The following UBE4A variants were observed in gnomAD, a reference collection of about 807,000 sequenced individuals.
The protein encoded by UBE4A is ubiquitin conjugation factor E4 A.
UBE4A carries 48 observed loss-of-function variants against 117.9 expected under a neutral mutation model. The observed-to-expected ratio is 0.41, with a 90% confidence interval of 0.32 to 0.52. UBE4A has a LOEUF of 0.52. UBE4A is among the 20% of genes least tolerant of loss of function. The pLI, the probability that UBE4A is intolerant of heterozygous loss-of-function variation, is 0.33. For missense variants in UBE4A, 1,067 were observed against 1,296.3 expected, an observed-to-expected ratio of 0.82 and a Z score of 2.72; for synonymous variants, 407 against 450.0, an observed-to-expected ratio of 0.90 and a Z score of 1.21.
At chr11:118,360,787 TTATAGA>T (rs761132529) in intron 1 of UBE4A, among the ~76,000 whole-genome samples, 6 of 152,152 alleles carry the variant, frequency 3.9e-5, no homozygotes, top group South Asian at 2.1e-4. Context: ...AGGACAGCTA[TTATAGA>T]TATAGATCTT....
rs140789686 is a variant in UBE4A, at chr11:118,368,668, C to T, written c.159C>T (p.Ser53=). The change falls in exon 3 of 20, where the codon AGC becomes AGT. Residue 53 remains serine, a synonymous_variant. Coordinates refer to ENST00000252108, the MANE Select transcript of UBE4A (RefSeq NM_001204077.2). ...CTAGCCCAGATGACTCGGATAATAG[C>T]GTGTCAGAGAGCCTGGATGAATTCG... ...LPASPDDSDN[S]VSESLDEFDY... is the part of the protein sequence containing the mutation. The T allele has an allele frequency of 1.7e-5, 28 of 1,614,152 alleles. No homozygotes were observed. In the African/African-American group the frequency reaches 2.1e-4, roughly 12 times the overall value.
At chr11:118,371,389 T>C (rs1303851633) in intron 4 of UBE4A, 125 bp from the exon 5 acceptor site, 5 of 1,221,832 alleles carry the variant, frequency 4.1e-6, no homozygotes, top group African/African-American at 1.5e-5. Flanking sequence ...CCTTTTTTTC[T>C]CCTTCACTCT....
chr11:118,373,490 A>G lies in UBE4A; in HGVS notation c.925-4A>G, dbSNP rs369074050. ...GAATAAGCAGAACTTGTCTTCTCTT[A>G]CAGGTTTTTGTAGAATACATTCAGC... On this transcript the variant is annotated splice_polypyrimidine_tract_variant and splice_region_variant and intron_variant, in intron 7 of 19. Coordinates refer to ENST00000252108, the MANE Select transcript of UBE4A (RefSeq NM_001204077.2). 1.7e-5 allele frequency: 28 copies of G among 1,608,968 alleles called. No individual in the cohort carries two copies. The highest frequency in any genetic ancestry group is 2.3e-5 in the Non-Finnish European group (27 of 1,177,598).
intron 1 of UBE4A, among the ~76,000 whole-genome samples, chr11:118,364,307 C>G (rs1380822507): frequency 2.6e-5 from 4 of 152,018 alleles, no homozygotes; most frequent in Admixed American, 6.5e-5. Context: ...ACACAGTAGA[C>G]CTGACCGTTG....
At chr11:118,380,919 C>T (rs189939698) in intron 11 of UBE4A, among the ~76,000 whole-genome samples, 5 of 152,306 alleles carry the variant, frequency 3.3e-5, no homozygotes, top group Admixed American at 1.3e-4. Flanking sequence ...TTGGAAATGA[C>T]ATACTATCAC....
At chr11:118,386,121 T>C (rs1240802235) in intron 15 of UBE4A, among the ~76,000 whole-genome samples, 1 of 152,222 alleles carries the variant, frequency 6.6e-6, no homozygotes, top group Non-Finnish European at 1.5e-5. Flanking sequence ...GGTTTTTTAG[T>C]TTTTTGTTTC....
chr11:118,391,522 C>T lies in UBE4A; in HGVS notation c.2916+718C>T, dbSNP rs191257848. On this transcript the variant is annotated intron_variant, in intron 18 of 19. Coordinates refer to ENST00000252108, the MANE Select transcript of UBE4A (RefSeq NM_001204077.2). ...AAAAAAGAAATTTAAGGGCCAGGCG[C>T]GGTGGCTCACGCCTGTAATCCTAGC... Among the ~76,000 whole-genome samples the T allele has an allele frequency of 5.1e-4, 76 of 149,414 alleles. No individual in the cohort carries two copies. In the East Asian group the frequency reaches 0.012, roughly 23 times the overall value.
chr11:118,380,144 T>TGC (rs1395293245), intron 11 of UBE4A, among the ~76,000 whole-genome samples: 2 of 88,910 alleles, frequency 2.2e-5, no homozygotes, highest in Non-Finnish European at 4.6e-5. Flanking sequence ...CGTGTGTGTG[T>TGC]GTGTGTGTGT....
chr11:118,362,103 TTG>T (rs1286428864), intron 1 of UBE4A, among the ~76,000 whole-genome samples: 1 of 152,128 alleles, frequency 6.6e-6, no homozygotes, highest in Non-Finnish European at 1.5e-5. Context: ...TAAATTCTTT[TTG>T]TTTCTCTTGA....
intron 4 of UBE4A, 37 bp downstream of exon 4, chr11:118,369,572 A>G: frequency 6.6e-7 from 1 of 1,507,184 alleles, no homozygotes; most frequent in South Asian, 1.1e-5. Flanking sequence ...GCCCTTAGCA[A>G]AAATTAGCTA....
chr11:118,372,429 C>G lies in UBE4A; in HGVS notation c.562-78C>G, dbSNP rs540440376. On this transcript the variant is annotated intron_variant, in intron 5 of 19. Transcript: ENST00000252108. ...TCCACAGGAGACCAGTATGTCTCTTCTATTGTATTCACTATGTCTACTTTC... is the reference window on the plus strand; with the variant it reads ...TCCACAGGAGACCAGTATGTCTCTTGTATTGTATTCACTATGTCTACTTTC... 4 of 1,438,618 alleles carry G rather than the reference C, an allele frequency of 2.8e-6. No homozygotes were observed. The South Asian group carries it at 5.7e-5, about 21-fold the overall frequency. 89.1% of individuals were successfully genotyped at this position (1,438,618 alleles called of 1,614,324 possible).
chr11:118,371,396 C>G, intron 4 of UBE4A, 118 bp from the exon 5 acceptor site: 3 of 1,286,514 alleles, frequency 2.3e-6, no homozygotes, highest in Non-Finnish European at 3.2e-6. Context: ...TTCTCCTTCA[C>G]TCTACATTCA....
chr11:118,382,905 C>T (rs1278927679), intron 13 of UBE4A, 129 bp downstream of exon 13: 3 of 811,876 alleles, frequency 3.7e-6, no homozygotes, highest in Middle Eastern at 4.2e-4. Context: ...ATATGCCAGG[C>T]TTGATGATAA....
chr11:118,382,600 C>T lies in UBE4A; in HGVS notation c.2021C>T (p.Pro674Leu). ...FTGSIERMKN[P>L]HLRAKLAEVL... Reference sequence around the variant, plus strand: ...TGCCCATTTTGCAGAATGAAGAATCCCCACCTGAGGGCCAAACTAGCAGAG... The same window carrying T: ...TGCCCATTTTGCAGAATGAAGAATCTCCACCTGAGGGCCAAACTAGCAGAG... The change falls in exon 13 of 20, where the codon CCC becomes CTC. Residue 674 changes from proline (P) to leucine (L), a missense_variant. Coordinates refer to ENST00000252108, the MANE Select transcript of UBE4A (RefSeq NM_001204077.2). The T allele has an allele frequency of 1.3e-6, 2 of 1,547,702 alleles. No individual in the cohort carries two copies. The highest frequency in any genetic ancestry group is 1.8e-6 in the Non-Finnish European group (2 of 1,138,938).
At chr11:118,391,592 C>T (rs1302931381) in intron 18 of UBE4A, among the ~76,000 whole-genome samples, 1 of 150,450 alleles carries the variant, frequency 6.6e-6, no homozygotes, top group Non-Finnish European at 1.5e-5. Context: ...CAGGAGATAG[C>T]GACCATCCTG....
At chr11:118,371,895 T>C (rs1483533441) in intron 5 of UBE4A, among the ~76,000 whole-genome samples, 1 of 152,062 alleles carries the variant, frequency 6.6e-6, no homozygotes, top group Non-Finnish European at 1.5e-5. Context: ...TATCTTGGGG[T>C]CCACCCTTCT....
Position 118,365,291 on chromosome 11 carries a change from G to T in UBE4A, c.121+90G>T, listed in dbSNP as rs77669421. On this transcript the variant is annotated intron_variant, in intron 2 of 19. Coordinates refer to ENST00000252108, the MANE Select transcript of UBE4A (RefSeq NM_001204077.2). ...TTCTTTGAGTCCTTAATTGCAATTG[G>T]AATTTAAGTTTGGAACAAAAGTTGG... 1.7e-3 allele frequency: 2,423 copies of T among 1,424,738 alleles called. 36 individuals are homozygous for T. The African/African-American group carries it at 0.032, about 19-fold the overall frequency. The allele number at this position is 1,424,738 out of a possible 1,614,324, so 88.3% of individuals were successfully genotyped here. A position where few individuals can be genotyped will look rare whatever the true frequency, so the allele number is the denominator to read the frequency against.
At chr11:118,382,910 T>C (rs1208158628) in intron 13 of UBE4A, 134 bp downstream of exon 13, 10 of 811,590 alleles carry the variant, frequency 1.2e-5, no homozygotes, top group Non-Finnish European at 1.7e-5. Flanking sequence ...CCAGGCTTGA[T>C]GATAAGTGCT....
chr11:118,384,302 A>C (rs1948734725), intron 13 of UBE4A, among the ~76,000 whole-genome samples: 1 of 152,174 alleles, frequency 6.6e-6, no homozygotes, highest in South Asian at 2.1e-4. Flanking sequence ...CACTGCCATA[A>C]TGGCCAGCCC....
Sources: allele counts gnomAD v4.1 joint callset (sites outside exome capture counted in the v4.1 genomes callset), GRCh38; gene constraint gnomAD v4.1.1; transcripts MANE v1.5; gene names NCBI Gene and HGNC (gene_info 2026-07-23, HGNC 2026-07-21).